Variants in KLHL29 observed in about 807,000 individuals in gnomAD.
KLHL29 encodes the protein kelch like family member 29.
A neutral mutation model predicts 80.4 loss-of-function variants in KLHL29; 21 were observed. That is an observed-to-expected ratio of 0.26 (90% CI 0.19 to 0.38). The LOEUF (loss-of-function observed/expected upper bound fraction) is 0.38, where lower values mean the gene tolerates loss of function less well. Ranked by LOEUF, KLHL29 falls within the 10% of genes least tolerant of loss-of-function variation. The probability of loss-of-function intolerance (pLI) is 1.00; values close to 1 mark genes in which losing one functional copy is unlikely to be tolerated. For synonymous variants in KLHL29, 511 were observed against 526.8 expected (o/e 0.97, Z 0.41); for missense variants, 867 against 1,223.9 (o/e 0.71, Z 4.35).
chr2:23,643,700 T>A (rs1384056028), intron 5 of KLHL29: 5 of 152,048 alleles, frequency 3.3e-5, no homozygotes, highest in Admixed American at 1.3e-4. Flanking sequence ...CTGCTATAGG[T>A]TTGCCTAGCC....
intron 2 of KLHL29, among the ~76,000 whole-genome samples, chr2:23,544,171 G>T (rs1440501437): frequency 6.6e-6 from 1 of 152,204 alleles, no homozygotes; most frequent in African/African-American, 2.4e-5. Context: ...CCAGGATCTT[G>T]CCCGTCTGTG....
intron 5 of KLHL29, among the ~76,000 whole-genome samples, chr2:23,661,389 A>G (rs1341231451): frequency 6.7e-6 from 1 of 150,012 alleles, no homozygotes; most frequent in Non-Finnish European, 1.5e-5. Context: ...AGGGAAGCCC[A>G]ACCTCAGAAG....
chr2:23,454,782 C>T lies in KLHL29; in HGVS notation c.-153-20778C>T, dbSNP rs145107000. On this transcript the variant is annotated intron_variant, in intron 1 of 13. Coordinates refer to ENST00000486442, the MANE Select transcript of KLHL29 (RefSeq NM_052920.2). ...ATCTCTCCCCGCCTTGCCCAGATCT[C>T]TTCCTCAATGATTTTTTTTTAAATT... 3.1e-3 allele frequency among the ~76,000 whole-genome samples: 460 copies of T among 148,208 alleles called. 3 individuals are homozygous for T. The highest frequency in any genetic ancestry group is 0.011 in the African/African-American group (441 of 38,564).
rs147196498 is a variant in KLHL29, at chr2:23,633,550, T to C, written c.286-5589T>C. Among the ~76,000 whole-genome samples the C allele has an allele frequency of 2.8e-3, 432 of 152,084 alleles. 2 individuals are homozygous for C. The highest frequency in any genetic ancestry group is 9.6e-3 in the African/African-American group (399 of 41,470). ...CATTTTATAATATCTCCCAAATTTG[T>C]GCACAGGAATTCTGAGAGAGCTTGG... On this transcript the variant is annotated intron_variant, in intron 3 of 13. Transcript: ENST00000486442.
chr2:23,592,237 G>A (rs1479595860), intron 3 of KLHL29, among the ~76,000 whole-genome samples: 1 of 83,816 alleles, frequency 1.2e-5, no homozygotes, highest in African/African-American at 5.4e-5. Flanking sequence ...CACGTCAGAA[G>A]CCCGGCCATC....
intron 5 of KLHL29, among the ~76,000 whole-genome samples, chr2:23,683,911 C>T (rs1157147370): frequency 2.6e-5 from 4 of 152,162 alleles, no homozygotes; most frequent in South Asian, 2.1e-4. Context: ...ACATAAGGGA[C>T]GCTGTTTTTG....
At position 23,708,443 on chromosome 2, in the gene KLHL29, A is replaced by C. The variant is rs759630245; in HGVS notation, c.*1779A>C. ...TCTAGTTGTCAGCGAGACTCAACAC[A>C]GATGACATTGAAATTCGTTTCTCTC... is the stretch of plus-strand genomic sequence containing the variant. On this transcript the variant is annotated 3_prime_UTR_variant, in exon 14 of 14. Coordinates refer to ENST00000486442, the MANE Select transcript of KLHL29 (RefSeq NM_052920.2). The C allele has an allele frequency of 1.3e-5, 2 of 152,224 alleles. No homozygotes were observed. The highest frequency in any genetic ancestry group is 2.9e-5 in the Non-Finnish European group (2 of 68,038). The allele number at this position is 152,224 out of a possible 1,614,324, so 9.4% of individuals were successfully genotyped here.
chr2:23,575,499 A>G (rs1392335798), intron 3 of KLHL29, among the ~76,000 whole-genome samples: 1 of 152,142 alleles, frequency 6.6e-6, no homozygotes, highest in African/African-American at 2.4e-5. Context: ...ACATTTATTG[A>G]GTGCTCACTG....
At chr2:23,389,702 G>T (rs146421666) in intron 1 of KLHL29, among the ~76,000 whole-genome samples, 12 of 152,004 alleles carry the variant, frequency 7.9e-5, no homozygotes, top group African/African-American at 2.9e-4. Context: ...AAAAAAAAGG[G>T]GGGGGCGGAA....
chr2:23,401,082 C>T (rs1421160528), intron 1 of KLHL29, among the ~76,000 whole-genome samples: 1 of 152,214 alleles, frequency 6.6e-6, no homozygotes, highest in Non-Finnish European at 1.5e-5. Flanking sequence ...CCAGTTTCAC[C>T]TGAGGTCAGT....
intron 1 of KLHL29, among the ~76,000 whole-genome samples, chr2:23,443,788 G>A (rs778765813): frequency 2.7e-4 from 41 of 152,316 alleles, no homozygotes; most frequent in Non-Finnish European, 5.3e-4. Context: ...AGGTTAAAGG[G>A]ATGAACATGA....
At chr2:23,657,463 A>G (rs1024229167) in intron 5 of KLHL29, among the ~76,000 whole-genome samples, 1 of 152,206 alleles carries the variant, frequency 6.6e-6, no homozygotes, top group Non-Finnish European at 1.5e-5. Context: ...CACACACCAT[A>G]AAGAAATAAT....
In KLHL29 at chr2:23,653,299, A is replaced by G. The variant is rs1670136480; in HGVS notation, c.940+10449A>G. On this transcript the variant is annotated intron_variant, in intron 5 of 13. Coordinates refer to ENST00000486442, the MANE Select transcript of KLHL29 (RefSeq NM_052920.2). Reference sequence around the variant, plus strand: ...CTCCCTGTGAAACCACCCCTATTCCATGGTGCCCTGTGGAATTGCTTCATT... The same window carrying G: ...CTCCCTGTGAAACCACCCCTATTCCGTGGTGCCCTGTGGAATTGCTTCATT... Among the ~76,000 whole-genome samples, 3 of 152,154 alleles carry G rather than the reference A, an allele frequency of 2.0e-5. No individual in the cohort carries two copies. The East Asian group carries it at 5.8e-4, about 29-fold the overall frequency.
At chr2:23,633,993 G>A (rs1442698723) in intron 3 of KLHL29, among the ~76,000 whole-genome samples, 11 of 152,114 alleles carry the variant, frequency 7.2e-5, no homozygotes, top group African/African-American at 9.7e-5. Flanking sequence ...GGATGGGAGC[G>A]AGACAACATC....
chr2:23,655,048 T>C (rs934892426), intron 5 of KLHL29, among the ~76,000 whole-genome samples: 1 of 152,236 alleles, frequency 6.6e-6, no homozygotes, highest in Non-Finnish European at 1.5e-5. Flanking sequence ...TGGTGATTCT[T>C]GGGCTCTTTC....
intron 5 of KLHL29, among the ~76,000 whole-genome samples, chr2:23,657,170 C>T (rs917143087): frequency 2.6e-5 from 4 of 152,064 alleles, no homozygotes; most frequent in African/African-American, 4.8e-5. Flanking sequence ...CTTCCTGGGC[C>T]GAATGAATTT....
chr2:23,547,498 G>A (rs1558382929), intron 2 of KLHL29, among the ~76,000 whole-genome samples: 2 of 152,054 alleles, frequency 1.3e-5, no homozygotes, highest in African/African-American at 2.4e-5. Flanking sequence ...TAAAGTACCT[G>A]GGGATTAAAA....
At chr2:23,405,851 A>T (rs1213845477) in intron 1 of KLHL29, among the ~76,000 whole-genome samples, 1 of 152,194 alleles carries the variant, frequency 6.6e-6, no homozygotes, top group East Asian at 1.9e-4. Context: ...GGAAGGCTTC[A>T]TGGGGGAAAT....
At chr2:23,595,287 C>T (rs1668369009) in intron 3 of KLHL29, among the ~76,000 whole-genome samples, 1 of 152,172 alleles carries the variant, frequency 6.6e-6, no homozygotes, top group African/African-American at 2.4e-5. Flanking sequence ...GTATTATAAT[C>T]CTATCCCGTT....
Sources: gnomAD v4.1 joint callset for allele counts (sites outside exome capture counted in the v4.1 genomes callset) on GRCh38, gnomAD v4.1.1 for gene constraint, MANE v1.5 for transcripts, NCBI Gene and HGNC (gene_info 2026-07-23, HGNC 2026-07-21) for gene names.